IRAG2: variants seen among roughly 807,000 people sequenced by gnomAD.
The protein encoded by IRAG2 is inositol 1,4,5-triphosphate receptor associated 2, also known as lymphoid restricted membrane protein.
A neutral mutation model predicts 69.9 loss-of-function variants in IRAG2; 45 were observed. That is an observed-to-expected ratio of 0.64 (90% CI 0.51 to 0.83). The LOEUF is 0.83. Among genes scored for constraint, IRAG2 ranks in the 40% least tolerant of loss-of-function variants. The pLI, the probability that IRAG2 is intolerant of heterozygous loss-of-function variation, is 0.00. For synonymous variants in IRAG2, 193 were observed against 202.4 expected, an observed-to-expected ratio of 0.95 and a Z score of 0.40; for missense variants, 520 against 587.0, an observed-to-expected ratio of 0.89 and a Z score of 1.18.
intron 14 of IRAG2, among the ~76,000 whole-genome samples, chr12:25,036,013 A>G (rs1009950054): frequency 6.6e-6 from 1 of 152,242 alleles, no homozygotes; most frequent in East Asian, 1.9e-4. Context: ...GGATTGCTTG[A>G]GGTTATTTTT....
chr12:25,105,531 AAAT>A (rs1384116900), intron 20 of IRAG2, among the ~76,000 whole-genome samples: 2 of 152,182 alleles, frequency 1.3e-5, no homozygotes, highest in East Asian at 3.9e-4. Flanking sequence ...TGCAATCCTC[AAAT>A]AATCTGTTTT....
intron 1 of IRAG2, among the ~76,000 whole-genome samples, chr12:25,060,514 A>G (rs925978425): frequency 2.6e-5 from 4 of 151,890 alleles, no homozygotes; most frequent in African/African-American, 9.7e-5. Flanking sequence ...TACCTTTTCA[A>G]TCGTCTGCAC....
Position 25,088,080 on chromosome 12 carries a change from G to A in IRAG2, c.316-20G>A, listed in dbSNP as rs768452645. The A allele has an allele frequency of 6.4e-7, 1 of 1,570,696 alleles. No homozygotes were observed. Among genetic ancestry groups the A allele is most frequent in the Non-Finnish European group, 8.8e-7 (1 of 1,140,542 alleles). ...AAGTATTTCCACTCTATGTACAGTG[G>A]TAAAATCTTATGATTTTAGGAAGCC... On this transcript the variant is annotated intron_variant, in intron 10 of 21. Transcript: ENST00000556887.
chr12:25,094,577 G>T (rs1438299563), intron 14 of IRAG2, among the ~76,000 whole-genome samples: 1 of 151,948 alleles, frequency 6.6e-6, no homozygotes, highest in Non-Finnish European at 1.5e-5. Flanking sequence ...ATGAATTTTG[G>T]GATAAATTTT....
rs190328792 is a variant in IRAG2, at chr12:25,107,045, T to C, written c.1251T>C (p.Ser417=). 11 of 1,573,326 alleles carry C rather than the reference T, an allele frequency of 7.0e-6. No homozygotes were observed. The East Asian group carries it at 2.3e-4, about 33-fold the overall frequency. The change falls in exon 21 of 22, where the codon TCT becomes TCC. Residue 417 remains serine, a synonymous_variant. Coordinates refer to ENST00000556887, the MANE Select transcript of IRAG2 (RefSeq NM_001366544.2). ...KKNNPSKWDV[S]SVYDTIASWA... ...ATAATCCATCAAAGTGGGATGTCTC[T>C]TCAGTGTAAGTTATCTACTTGATAA... is the stretch of plus-strand genomic sequence containing the variant.
At chr12:25,030,808 G>T (rs1226014505) in intron 10 of IRAG2, among the ~76,000 whole-genome samples, 2 of 152,196 alleles carry the variant, frequency 1.3e-5, no homozygotes, top group African/African-American at 4.8e-5. Flanking sequence ...AAATATTAGT[G>T]TGCCAATCTA....
At chr12:25,064,088 C>A (rs374330344) in intron 4 of IRAG2, among the ~76,000 whole-genome samples, 3 of 151,958 alleles carry the variant, frequency 2.0e-5, no homozygotes, top group African/African-American at 7.2e-5. Context: ...GTTGCTTGAG[C>A]CCAGGAATTC....
intron 1 of IRAG2, among the ~76,000 whole-genome samples, chr12:25,055,231 A>G (rs1227450307): frequency 6.6e-6 from 1 of 152,238 alleles, no homozygotes; most frequent in East Asian, 1.9e-4. Flanking sequence ...CCTGAACTTT[A>G]TCTTGAATAA....
intron 3 of IRAG2, among the ~76,000 whole-genome samples, chr12:25,013,414 G>T (rs1207971480): frequency 6.6e-6 from 1 of 152,168 alleles, no homozygotes; most frequent in Non-Finnish European, 1.5e-5. Context: ...GGAGTTTGAG[G>T]CTGCAGTAAG....
intron 9 of IRAG2, among the ~76,000 whole-genome samples, chr12:25,082,516 C>T (rs1252296184): frequency 6.6e-6 from 1 of 151,950 alleles, no homozygotes; most frequent in Admixed American, 6.6e-5. Flanking sequence ...GGTAGGATCA[C>T]TTGAGCCTGG....
intron 15 of IRAG2, chr12:25,097,706 C>T (rs1326187931): frequency 2.0e-5 from 3 of 152,180 alleles, no homozygotes; most frequent in Admixed American, 1.3e-4. Flanking sequence ...TATACTTTCA[C>T]ACCTTAGTTC....
At chr12:25,045,761 G>A (rs1448285932) in intron 16 of IRAG2, among the ~76,000 whole-genome samples, 1 of 150,212 alleles carries the variant, frequency 6.7e-6, no homozygotes, top group Admixed American at 6.7e-5. Flanking sequence ...GAAAAGCCCA[G>A]TATGAGATGG....
chr12:25,077,676 T>C (rs1333699232), intron 6 of IRAG2, among the ~76,000 whole-genome samples: 2 of 152,062 alleles, frequency 1.3e-5, no homozygotes, highest in African/African-American at 4.8e-5. Flanking sequence ...TGTGTTTATA[T>C]ATAATCTTTA....
chr12:25,032,043 G>C, intron 10 of IRAG2: 1 of 397,068 alleles, frequency 2.5e-6, no homozygotes, highest in Admixed American at 4.4e-5. Flanking sequence ...TGACGATTGG[G>C]CATTTACAAT....
chr12:25,025,305 G>T (rs1390829288), intron 8 of IRAG2, among the ~76,000 whole-genome samples: 1 of 152,200 alleles, frequency 6.6e-6, no homozygotes, highest in East Asian at 1.9e-4. Flanking sequence ...TGGGAAAGGA[G>T]GTTTATCTGT....
chr12:25,105,016 T>C (rs2140260103), intron 20 of IRAG2, among the ~76,000 whole-genome samples: 1 of 151,252 alleles, frequency 6.6e-6, no homozygotes, highest in South Asian at 2.1e-4. Flanking sequence ...GCAGAAATGC[T>C]ACCTCTGAGT....
intron 20 of IRAG2, among the ~76,000 whole-genome samples, chr12:25,105,871 A>C (rs1255147917): frequency 6.6e-6 from 1 of 152,230 alleles, no homozygotes; most frequent in African/African-American, 2.4e-5. Flanking sequence ...TCTTTGAGAC[A>C]CATTTCCCTT....
At chr12:25,026,710 C>T in intron 8 of IRAG2, 1 of 584,984 alleles carries the variant, frequency 1.7e-6, no homozygotes, top group Non-Finnish European at 2.5e-6. Context: ...TGAAATACCA[C>T]CTCCTAAAAG....
rs571382574 is a variant in IRAG2, at chr12:25,072,911, T to C, written c.24+3480T>C. Among the ~76,000 whole-genome samples the C allele has an allele frequency of 7.9e-5, 12 of 152,396 alleles. 1 individual carries two copies. The highest frequency in any genetic ancestry group is 2.9e-4 in the African/African-American group (12 of 41,598). ...GCCCAGAACAATGTATGCTTTTCCA[T>C]TTATCAAAATTCTATTAGACTGTCA... On this transcript the variant is annotated intron_variant, in intron 6 of 21. Transcript: ENST00000556887.
Sources: gnomAD v4.1 joint callset for allele counts (sites outside exome capture counted in the v4.1 genomes callset) on GRCh38, gnomAD v4.1.1 for gene constraint, MANE v1.5 for transcripts, NCBI Gene and HGNC (gene_info 2026-07-23, HGNC 2026-07-21) for gene names.